The following BACE1 variants were observed in gnomAD, a reference collection of about 807,000 sequenced individuals.
The protein encoded by BACE1 is APP beta-secretase.
Under a neutral mutation model 54.0 loss-of-function variants are expected in BACE1, and 21 were observed. The ratio of observed to expected loss-of-function variants is 0.39; its 90% CI spans 0.28 to 0.56. The LOEUF (loss-of-function observed/expected upper bound fraction) is 0.56. BACE1 is among the 20% of genes least tolerant of loss of function. The pLI, the probability that BACE1 is intolerant of heterozygous loss-of-function variation, is 0.63. For missense variants in BACE1, 511 were observed against 661.2 expected, an observed-to-expected ratio of 0.77 and a Z score of 2.49; for synonymous variants, 232 against 260.9, an observed-to-expected ratio of 0.89 and a Z score of 1.07.
Position 117,287,598 on chromosome 11 carries a change from C to T in BACE1, c.*1968G>A, listed in dbSNP as rs1565353264. ...TGCCCTGGAAAGGGCTGGGAAAAAG[C>T]CAGTTTTTCCCAACATGGGTAGAAA... is the stretch of plus-strand genomic sequence containing the variant. On this transcript the variant is annotated 3_prime_UTR_variant, in exon 9 of 9. Transcript: ENST00000313005. The T allele has an allele frequency of 6.6e-6, 1 of 152,402 alleles. No homozygotes were observed. Among genetic ancestry groups the T allele is most frequent in the Admixed American group, 6.5e-5 (1 of 15,274 alleles). 9.4% of individuals were successfully genotyped at this position (152,402 alleles called of 1,614,324 possible). A position where few individuals can be genotyped will look rare whatever the true frequency, so the allele number is the denominator to read the frequency against.
At chr11:117,289,936 T>C (rs1189122292) in intron 8 of BACE1, 129 bp from the exon 9 acceptor site, 3 of 833,224 alleles carry the variant, frequency 3.6e-6, no homozygotes, top group Non-Finnish European at 5.7e-6. Flanking sequence ...CCAGGAGATA[T>C]TTAGGAGCAG....
chr11:117,305,439 C>T (rs1298168985), intron 1 of BACE1, among the ~76,000 whole-genome samples: 3 of 152,144 alleles, frequency 2.0e-5, no homozygotes, highest in Non-Finnish European at 4.4e-5. Flanking sequence ...CTTTTCCCAG[C>T]TAGTTCCTCT....
At chr11:117,292,674 G>A (rs2034477475) in intron 5 of BACE1, 1 of 158,250 alleles carries the variant, frequency 6.3e-6, no homozygotes, top group Non-Finnish European at 1.4e-5. Flanking sequence ...ACACAGAATA[G>A]TAACTGGCCT....
Position 117,290,908 on chromosome 11 carries a change from G to A in BACE1, c.1084C>T (p.Leu362Phe), listed in dbSNP as rs1211419933. ...CTCAGGCTGGGACATACCTGCGGAA[G>A]GATGGTGATGCGGAAGGACTGGTTG... is the stretch of plus-strand genomic sequence containing the variant. ...VTNQSFRITI[L>F]PQQYLRPVED... The change falls in exon 7 of 9, where the codon CTT becomes TTT. Residue 362 changes from leucine (L) to phenylalanine (F), a missense_variant. Physicochemically the swap from Leu to Phe is conservative, Grantham distance 22 (BLOSUM62 0). This residue lies in a region of BACE1 where 407 missense variants were observed against 565.7 expected (regional missense o/e 0.72). Transcript: ENST00000313005. 2 of 1,613,940 alleles carry A rather than the reference G, an allele frequency of 1.2e-6. No individual in the cohort carries two copies. The highest frequency in any genetic ancestry group is 1.7e-6 in the Non-Finnish European group (2 of 1,180,006).
intron 2 of BACE1, chr11:117,295,731 C>T (rs1178249334): frequency 2.9e-6 from 4 of 1,360,688 alleles, no homozygotes; most frequent in Admixed American, 2.5e-5. Flanking sequence ...CATTGACTCT[C>T]TTACTGCCTT....
intron 1 of BACE1, among the ~76,000 whole-genome samples, chr11:117,312,042 A>G (rs1485263867): frequency 6.6e-6 from 1 of 152,218 alleles, no homozygotes; most frequent in African/African-American, 2.4e-5. Flanking sequence ...CTGAAGGCCA[A>G]AGTCCAAACC....
chr11:117,293,289 G>A lies in BACE1; in HGVS notation c.706-101C>T, dbSNP rs1323347228. On this transcript the variant is annotated intron_variant, in intron 4 of 8. Coordinates refer to ENST00000313005, the MANE Select transcript of BACE1 (RefSeq NM_012104.6). This position sits in a 1 kb window ranked among gnomAD's most constrained non-coding sequence, Gnocchi z 4.1. Reference sequence around the variant, plus strand: ...ATCAGTGATTTCTTGGGGTGGCAAGGTCTTCTACAGGCTACCCTTTTCATC... The same window carrying A: ...ATCAGTGATTTCTTGGGGTGGCAAGATCTTCTACAGGCTACCCTTTTCATC... 6 of 1,257,374 alleles carry A rather than the reference G, an allele frequency of 4.8e-6. No individual in the cohort carries two copies. The highest frequency in any genetic ancestry group is 6.7e-6 in the Non-Finnish European group (6 of 901,686). The allele number at this position is 1,257,374 out of a possible 1,614,324, so 77.9% of individuals were successfully genotyped here. A position where few individuals can be genotyped will look rare whatever the true frequency, so the allele number is the denominator to read the frequency against.
chr11:117,292,991 G>A, intron 5 of BACE1, 63 bp downstream of exon 5: 1 of 1,573,248 alleles, frequency 6.4e-7, no homozygotes, highest in Non-Finnish European at 8.6e-7. Flanking sequence ...GATAACCAGA[G>A]TCTTCCTTCA....
chr11:117,297,189 G>A (rs903995151), intron 1 of BACE1: 4 of 481,600 alleles, frequency 8.3e-6, no homozygotes, highest in African/African-American at 8.1e-5. Flanking sequence ...TGTGCCCTCT[G>A]CAGGTCTGCT....
chr11:117,315,912 C>T lies in BACE1; in HGVS notation c.-117G>A, dbSNP rs1461383322. On this transcript the variant is annotated 5_prime_UTR_variant, in exon 1 of 9. Transcript: ENST00000313005. The surrounding 1 kb of genome is among the most constrained non-coding windows in gnomAD (Gnocchi z 5.5). Reference sequence around the variant, plus strand: ...CTCAGGAGAGGGAGCTTGGGGGCATCAGGACGCCAGGGCCTGCAGGGCCCT... The same window carrying T: ...CTCAGGAGAGGGAGCTTGGGGGCATTAGGACGCCAGGGCCTGCAGGGCCCT... 1.2e-5 allele frequency: 14 copies of T among 1,198,620 alleles called. No homozygotes were observed. Among genetic ancestry groups the T allele is most frequent in the Non-Finnish European group, 1.3e-5 (12 of 919,674 alleles). 74.2% of individuals were successfully genotyped at this position (1,198,620 alleles called of 1,614,324 possible). A position where few individuals can be genotyped will look rare whatever the true frequency, so the allele number is the denominator to read the frequency against.
chr11:117,314,193 C>G (rs780080129), intron 1 of BACE1, among the ~76,000 whole-genome samples: 2 of 152,188 alleles, frequency 1.3e-5, no homozygotes, highest in Non-Finnish European at 2.9e-5. Flanking sequence ...TGCTCCCTGA[C>G]GATATCATCT....
intron 1 of BACE1, among the ~76,000 whole-genome samples, chr11:117,308,459 GGC>G (rs1035635417): frequency 2.0e-5 from 3 of 151,976 alleles, no homozygotes; most frequent in African/African-American, 7.3e-5. Flanking sequence ...GCATCTCAAA[GGC>G]ATGTCCCAGA....
intron 1 of BACE1, among the ~76,000 whole-genome samples, chr11:117,314,899 T>G (rs2035047836): frequency 6.1e-5 from 9 of 146,686 alleles, no homozygotes; most frequent in South Asian, 2.2e-4. Context: ...CCTGGGGAGG[T>G]GTGGGGTGGG....
Position 117,313,424 on chromosome 11 carries a change from C to CGTTTTT in BACE1, c.261+2105_261+2110dup, listed in dbSNP as rs777392684. On this transcript the variant is annotated intron_variant, in intron 1 of 8. Transcript: ENST00000313005. The stretch of plus-strand genomic sequence containing the variant: ...CAGGGAAGTACAGCAATGGATACCC[C>CGTTTTT]GTTTTTGTTTTTGTTTTTATTTTTT... 5.3e-5 allele frequency among the ~76,000 whole-genome samples: 8 copies of CGTTTTT among 152,136 alleles called. No individual in the cohort carries two copies. In the South Asian group the frequency reaches 1.0e-3, roughly 20 times the overall value.
chr11:117,297,037 C>G, intron 1 of BACE1, 76 bp from the exon 2 acceptor site: 1 of 1,094,006 alleles, frequency 9.1e-7, no homozygotes. Context: ...TCCCTCACGC[C>G]CCAGCCACAG....
At chr11:117,313,341 G>A (rs914241347) in intron 1 of BACE1, among the ~76,000 whole-genome samples, 7 of 152,222 alleles carry the variant, frequency 4.6e-5, no homozygotes, top group Admixed American at 3.9e-4. Flanking sequence ...GACATTTATT[G>A]AGCAATTACT....
chr11:117,315,728 T>A lies in BACE1; in HGVS notation c.68A>T (p.Gln23Leu). ...GAGVLPAHGTQHGIRLPLRSG... is the reference protein window; with the variant it reads ...GAGVLPAHGTLHGIRLPLRSG... The stretch of plus-strand genomic sequence containing the variant: ...GCGCAGGGGCAGCCGGATGCCGTGC[T>A]GGGTGCCGTGGGCAGGCAGCACTCC... Residue 23 changes from glutamine to leucine, a missense_variant, in exon 1 of 9, where the codon CAG becomes CTG. This residue lies in a region of BACE1 where 104 missense variants were observed against 95.5 expected (regional missense o/e 1.09). Transcript: ENST00000313005. The surrounding 1 kb of genome is among the most constrained non-coding windows in gnomAD (Gnocchi z 5.5). The A allele has an allele frequency of 6.8e-7, 1 of 1,481,128 alleles. No homozygotes were observed. Among genetic ancestry groups the A allele is most frequent in the East Asian group, 2.8e-5 (1 of 35,344 alleles). The allele number at this position is 1,481,128 out of a possible 1,614,324, so 91.7% of individuals were successfully genotyped here.
Position 117,293,819 on chromosome 11 carries a change from CACCCATCT to C in BACE1, c.705+44_705+51del, listed in dbSNP as rs1199077557. On this transcript the variant is annotated intron_variant, in intron 4 of 8. Transcript: ENST00000313005. This position sits in a 1 kb window ranked among gnomAD's most constrained non-coding sequence, Gnocchi z 4.1. ...AGCTTTCAGGAAGGGGAGAGGATGG[CACCCATCT>C]CTCCCTCAATGCCAGGACCTCCCCT... 1.3e-6 allele frequency: 2 copies of C among 1,558,342 alleles called. No homozygotes were observed. The highest frequency in any genetic ancestry group is 2.7e-5 in the African/African-American group (2 of 72,900).
chr11:117,311,411 T>TC (rs1349013495), intron 1 of BACE1, among the ~76,000 whole-genome samples: 5 of 152,086 alleles, frequency 3.3e-5, no homozygotes, highest in African/African-American at 1.2e-4. Flanking sequence ...CTTGTTATCC[T>TC]CCAGTTCACC....
Sources: allele counts gnomAD v4.1 joint callset (sites outside exome capture counted in the v4.1 genomes callset), GRCh38; gene constraint gnomAD v4.1.1; regional missense constraint gnomAD v4.1.1; non-coding constraint Gnocchi (gnomAD v3.1); transcripts MANE v1.5; gene names NCBI Gene and HGNC (gene_info 2026-07-23, HGNC 2026-07-21).